HOOK1: variants seen among roughly 807,000 people sequenced by gnomAD.
HOOK1 encodes the protein protein Hook homolog 1.
HOOK1 carries 60 observed loss-of-function variants against 112.8 expected under a neutral mutation model. The observed-to-expected ratio is 0.53, with a 90% confidence interval of 0.43 to 0.66. The LOEUF (loss-of-function observed/expected upper bound fraction) is 0.66, where lower values mean the gene tolerates loss of function less well. Ranked by LOEUF, HOOK1 falls within the 30% of genes least tolerant of loss-of-function variation. The pLI is 0.00. For missense variants in HOOK1, 770 were observed against 856.0 expected (o/e 0.90, Z 1.25); for synonymous variants, 294 against 283.8 (o/e 1.04, Z -0.36).
intron 4 of HOOK1, 152 bp downstream of exon 4, chr1:59,832,365 A>G (rs1574185287): frequency 1.8e-6 from 1 of 571,122 alleles, no homozygotes; most frequent in South Asian, 2.3e-5. Flanking sequence ...TAGAATGCTC[A>G]TTTGTGAAAA....
chr1:59,858,549 T>C, intron 13 of HOOK1, 34 bp downstream of exon 13: 1 of 1,422,880 alleles, frequency 7.0e-7, no homozygotes. Flanking sequence ...AGTTTCAGCC[T>C]GGGCAGCATA....
chr1:59,816,703 G>C (rs1270211758), intron 1 of HOOK1, among the ~76,000 whole-genome samples: 1 of 152,210 alleles, frequency 6.6e-6, no homozygotes, highest in Admixed American at 6.5e-5. Context: ...AGAGCTGTGT[G>C]TAATTACAGT....
chr1:59,815,297 C>T, intron 1 of HOOK1, 117 bp downstream of exon 1: 1 of 916,222 alleles, frequency 1.1e-6, no homozygotes, highest in Non-Finnish European at 1.6e-6. Flanking sequence ...CGCACCCTGC[C>T]CTTCTCACCT....
intron 12 of HOOK1, among the ~76,000 whole-genome samples, chr1:59,857,258 A>C (rs1489761698): frequency 1.3e-5 from 2 of 151,502 alleles, no homozygotes; most frequent in African/African-American, 4.9e-5. Flanking sequence ...GTCTGTGCCC[A>C]TTCTGGTGGC....
At chr1:59,864,934 C>G in intron 17 of HOOK1, 1 of 563,460 alleles carries the variant, frequency 1.8e-6, no homozygotes, top group East Asian at 2.9e-5. Flanking sequence ...GATGTTAAAC[C>G]TATAAAATAT....
At chr1:59,837,228 A>G (rs951487216) in intron 7 of HOOK1, among the ~76,000 whole-genome samples, 2 of 152,148 alleles carry the variant, frequency 1.3e-5, no homozygotes, top group African/African-American at 2.4e-5. Context: ...AAACTCTGCT[A>G]AGTTTTAATT....
At chr1:59,867,324 G>A (rs1235843502) in intron 19 of HOOK1, among the ~76,000 whole-genome samples, 2 of 152,046 alleles carry the variant, frequency 1.3e-5, no homozygotes, top group African/African-American at 4.8e-5. Flanking sequence ...ATTCCATGAG[G>A]GTAGGCACCA....
At position 59,860,137 on chromosome 1, in the gene HOOK1, T is replaced by G; in HGVS notation, c.1392-51T>G. The stretch of plus-strand genomic sequence containing the variant: ...ATTTCCTTTTTTTAACTAAAGAATA[T>G]AATGACTCATATTTTTAAAAATTAA... On this transcript the variant is annotated intron_variant, in intron 14 of 21. Transcript: ENST00000371208. 4.9e-6 allele frequency: 7 copies of G among 1,420,034 alleles called. No homozygotes were observed. The South Asian group carries it at 1.0e-4, about 21-fold the overall frequency. 88.0% of individuals were successfully genotyped at this position (1,420,034 alleles called of 1,614,324 possible). A position where few individuals can be genotyped will look rare whatever the true frequency, so the allele number is the denominator to read the frequency against.
intron 9 of HOOK1, among the ~76,000 whole-genome samples, chr1:59,846,289 C>A (rs1174766793): frequency 6.6e-6 from 1 of 151,616 alleles, no homozygotes. Flanking sequence ...CTTTTACATT[C>A]CTGATATTGC....
Position 59,814,984 on chromosome 1 carries a change from G to A in HOOK1, c.-134G>A. 2 of 862,204 alleles carry A rather than the reference G, an allele frequency of 2.3e-6. No individual in the cohort carries two copies. Among genetic ancestry groups the A allele is most frequent in the Non-Finnish European group, 3.6e-6 (2 of 558,334 alleles). 53.4% of individuals were successfully genotyped at this position (862,204 alleles called of 1,614,324 possible). ...ACGCGTCGACAGCGCGAGGGTTCGC[G>A]CGTGAGCTGCGCGGGTCGGGCCTGG... On this transcript the variant is annotated 5_prime_UTR_variant, in exon 1 of 22. Coordinates refer to ENST00000371208, the MANE Select transcript of HOOK1 (RefSeq NM_015888.6).
At chr1:59,858,194 A>T (rs1442793404) in intron 12 of HOOK1, among the ~76,000 whole-genome samples, 1 of 152,202 alleles carries the variant, frequency 6.6e-6, no homozygotes, top group Non-Finnish European at 1.5e-5. Context: ...GTCCTCTGTT[A>T]CATAATTGCA....
intron 12 of HOOK1, among the ~76,000 whole-genome samples, chr1:59,849,472 G>A (rs548037503): frequency 3.3e-5 from 5 of 151,530 alleles, no homozygotes; most frequent in Admixed American, 1.3e-4. Context: ...ATAATTTTGC[G>A]ATGGCTTTAT....
At chr1:59,825,024 C>A (rs777304096) in intron 2 of HOOK1, among the ~76,000 whole-genome samples, 7 of 152,320 alleles carry the variant, frequency 4.6e-5, no homozygotes, top group South Asian at 2.1e-4. Context: ...TTCTCCTTTG[C>A]CTCTTCCAAA....
In HOOK1 at chr1:59,868,271, A is replaced by C. The variant is rs777786138; in HGVS notation, c.1867A>C (p.Lys623Gln). 2.5e-6 allele frequency: 4 copies of C among 1,606,294 alleles called. No individual in the cohort carries two copies. In the South Asian group the frequency reaches 4.4e-5, roughly 18 times the overall value. ...ACAGGTAATAAAAACTTTGGATCCC[A>C]AGTTAAATCCAGCATCAGCTGAAAT... is the stretch of plus-strand genomic sequence containing the variant. ...ARNVIKTLDPKLNPASAEIML... is the reference protein window; with the variant it reads ...ARNVIKTLDPQLNPASAEIML... Residue 623 changes from lysine (K) to glutamine (Q), a missense_variant, in exon 20 of 22, where the codon AAG becomes CAG. Lys to Gln is a moderately conservative substitution (Grantham distance 53). Coordinates refer to ENST00000371208, the MANE Select transcript of HOOK1 (RefSeq NM_015888.6).
At chr1:59,852,084 G>T (rs559954846) in intron 12 of HOOK1, among the ~76,000 whole-genome samples, 2 of 151,532 alleles carry the variant, frequency 1.3e-5, no homozygotes, top group Non-Finnish European at 3.0e-5. Flanking sequence ...TTTCATTGAA[G>T]ATTTTTCCAT....
intron 2 of HOOK1, among the ~76,000 whole-genome samples, chr1:59,822,690 A>G (rs909972591): frequency 8.5e-5 from 13 of 152,196 alleles, no homozygotes; most frequent in African/African-American, 3.1e-4. Context: ...ACTTTATATT[A>G]GCTTACTTTG....
At chr1:59,832,511 A>C (rs1204345622) in intron 4 of HOOK1, among the ~76,000 whole-genome samples, 2 of 152,156 alleles carry the variant, frequency 1.3e-5, no homozygotes, top group African/African-American at 2.4e-5. Context: ...TTTATAATTA[A>C]TTGAAATAAT....
intron 1 of HOOK1, among the ~76,000 whole-genome samples, chr1:59,818,527 A>G (rs893170432): frequency 2.0e-5 from 3 of 152,238 alleles, no homozygotes; most frequent in Non-Finnish European, 4.4e-5. Context: ...GTTGGAGGAC[A>G]TGTATGAGAG....
chr1:59,863,945 G>A, intron 16 of HOOK1: 1 of 410,158 alleles, frequency 2.4e-6, no homozygotes, highest in Non-Finnish European at 3.3e-6. Context: ...ATTTTGCAGG[G>A]AGCACATTTT....
Sources: allele counts gnomAD v4.1 joint callset (sites outside exome capture counted in the v4.1 genomes callset), GRCh38; gene constraint gnomAD v4.1.1; transcripts MANE v1.5; gene names NCBI Gene and HGNC (gene_info 2026-07-23, HGNC 2026-07-21).